The following CORO2B variants were observed in gnomAD, a reference collection of about 807,000 sequenced individuals.
The protein encoded by CORO2B is coronin 2B.
In CORO2B, 26 loss-of-function variants were observed where a neutral mutation model predicts 58.8. That is an observed-to-expected ratio of 0.44 (90% CI 0.32 to 0.61). The LOEUF (loss-of-function observed/expected upper bound fraction) is 0.61. CORO2B is among the 20% of genes least tolerant of loss of function. The pLI, the probability that CORO2B is intolerant of heterozygous loss-of-function variation, is 0.04. For missense variants in CORO2B, 460 were observed against 645.1 expected (o/e 0.71, Z 3.11); for synonymous variants, 242 against 253.8 (o/e 0.95, Z 0.44).
intron 1 of CORO2B, among the ~76,000 whole-genome samples, chr15:68,619,713 A>G (rs941603827): frequency 3.3e-5 from 5 of 152,006 alleles, no homozygotes; most frequent in Admixed American, 6.6e-5. Context: ...ATGTGTACCC[A>G]TACATATATG....
intron 1 of CORO2B, among the ~76,000 whole-genome samples, chr15:68,605,918 G>C (rs756697267): frequency 2.0e-5 from 3 of 151,928 alleles, no homozygotes; most frequent in Non-Finnish European, 2.9e-5. Context: ...AGAGACGGGG[G>C]TTTCACCATG....
chr15:68,593,811 T>G (rs1899761180), intron 1 of CORO2B, among the ~76,000 whole-genome samples: 1 of 151,894 alleles, frequency 6.6e-6, no homozygotes, highest in African/African-American at 2.4e-5. Flanking sequence ...GGTCCCATTG[T>G]GGGGTGGGAA....
chr15:68,698,832 T>C (rs528073536), intron 3 of CORO2B, among the ~76,000 whole-genome samples: 3 of 152,258 alleles, frequency 2.0e-5, no homozygotes, highest in East Asian at 3.9e-4. Context: ...TCACTCTTGC[T>C]CTGGAAACAC....
intron 1 of CORO2B, among the ~76,000 whole-genome samples, chr15:68,606,859 C>T (rs1042786269): frequency 1.3e-5 from 2 of 152,092 alleles, no homozygotes; most frequent in Admixed American, 1.3e-4. Context: ...TTACGGGACC[C>T]CTGGAGCTGT....
the CORO2B span, among the ~76,000 whole-genome samples, chr15:68,549,296 C>G: frequency 6.6e-6 from 1 of 152,168 alleles, no homozygotes; most frequent in African/African-American, 2.4e-5. Context: ...TGAGAATTTG[C>G]TTTAGCACTT....
At chr15:68,544,976 C>A in the CORO2B span, among the ~76,000 whole-genome samples, 1 of 152,118 alleles carries the variant, frequency 6.6e-6, no homozygotes, top group South Asian at 2.1e-4. Flanking sequence ...GGGGTTTCAC[C>A]GTGTTAGCCA....
intron 1 of CORO2B, among the ~76,000 whole-genome samples, chr15:68,643,828 A>G (rs900988742): frequency 6.6e-6 from 1 of 152,166 alleles, no homozygotes; most frequent in African/African-American, 2.4e-5. Flanking sequence ...ACCTGAGGTC[A>G]GGAGTTCAAG....
chr15:68,709,468 T>TG (rs1438149952), intron 3 of CORO2B, among the ~76,000 whole-genome samples: 2 of 149,334 alleles, frequency 1.3e-5, no homozygotes, highest in African/African-American at 4.9e-5. Context: ...TGTTTTTTTT[T>TG]TTTTTTTTTT....
intron 2 of CORO2B, among the ~76,000 whole-genome samples, chr15:68,665,393 A>G (rs545539701): frequency 5.9e-5 from 9 of 152,246 alleles, no homozygotes; most frequent in African/African-American, 2.2e-4. Context: ...ACTTCATAAT[A>G]TGTTTTAATA....
At chr15:68,708,812 T>C (rs1030776881) in intron 3 of CORO2B, among the ~76,000 whole-genome samples, 1 of 152,180 alleles carries the variant, frequency 6.6e-6, no homozygotes, top group African/African-American at 2.4e-5. Context: ...CCTGAATAGT[T>C]GGGACTACAG....
At chr15:68,695,311 T>A in intron 3 of CORO2B, 55 bp downstream of exon 3, 5 of 1,271,134 alleles carry the variant, frequency 3.9e-6, no homozygotes, top group South Asian at 1.2e-5. Flanking sequence ...CCCTGCTTCC[T>A]TTGGAGGCCT....
Position 68,579,227 on chromosome 15 carries a change from C to G in CORO2B, c.-36C>G, listed in dbSNP as rs1899353057. Reference sequence around the variant, plus strand: ...GGCCGCCGCCGCCGCCCCCGCACGCCGCGCCCGCGCCCCCGCTCCGCCGCG... The same window carrying G: ...GGCCGCCGCCGCCGCCCCCGCACGCGGCGCCCGCGCCCCCGCTCCGCCGCG... On this transcript the variant is annotated 5_prime_UTR_variant, in exon 1 of 12. Transcript: ENST00000261861. 9.1e-7 allele frequency: 1 copy of G among 1,100,968 alleles called. No individual in the cohort carries two copies. Among genetic ancestry groups the G allele is most frequent in the East Asian group, 5.5e-5 (1 of 18,132 alleles). 68.2% of individuals were successfully genotyped at this position (1,100,968 alleles called of 1,614,324 possible). A position where few individuals can be genotyped will look rare whatever the true frequency, so the allele number is the denominator to read the frequency against.
the CORO2B span, among the ~76,000 whole-genome samples, chr15:68,525,633 C>T: frequency 6.6e-6 from 1 of 152,178 alleles, no homozygotes; most frequent in African/African-American, 2.4e-5. Context: ...TCATATCTAT[C>T]CCCAGAACAG....
the CORO2B span, among the ~76,000 whole-genome samples, chr15:68,546,356 A>T: frequency 3.3e-5 from 5 of 151,954 alleles, no homozygotes; most frequent in Admixed American, 6.6e-5. Context: ...TCAATTTGGG[A>T]TGTGTGTGGA....
chr15:68,623,248 A>T (rs1900575540), intron 1 of CORO2B, among the ~76,000 whole-genome samples: 1 of 152,224 alleles, frequency 6.6e-6, no homozygotes, highest in Non-Finnish European at 1.5e-5. Flanking sequence ...CACAGCGAGG[A>T]ACCGGCCCGG....
At chr15:68,544,608 C>T in the CORO2B span, among the ~76,000 whole-genome samples, 1 of 152,084 alleles carries the variant, frequency 6.6e-6, no homozygotes, top group African/African-American at 2.4e-5. Context: ...GGAAACAATG[C>T]CATTTCAGGG....
chr15:68,642,352 C>T (rs1218964675), intron 1 of CORO2B, among the ~76,000 whole-genome samples: 2 of 152,144 alleles, frequency 1.3e-5, no homozygotes, highest in Non-Finnish European at 2.9e-5. Flanking sequence ...GGAGAGCCTG[C>T]GGTGACGTCT....
At chr15:68,522,109 C>G in the CORO2B span, among the ~76,000 whole-genome samples, 1 of 151,708 alleles carries the variant, frequency 6.6e-6, no homozygotes, top group Non-Finnish European at 1.5e-5. Flanking sequence ...ATGCCTGGCC[C>G]CATGGACTCC....
chr15:68,708,961 A>T (rs1296685516), intron 3 of CORO2B, among the ~76,000 whole-genome samples: 2 of 152,226 alleles, frequency 1.3e-5, no homozygotes, highest in Non-Finnish European at 2.9e-5. Flanking sequence ...GATTGCAGGC[A>T]TGAGCCACCT....
Sources: gnomAD v4.1 joint callset for allele counts (sites outside exome capture counted in the v4.1 genomes callset) on GRCh38, gnomAD v4.1.1 for gene constraint, MANE v1.5 for transcripts, NCBI Gene and HGNC (gene_info 2026-07-23, HGNC 2026-07-21) for gene names.